The following SNTG2 variants were observed in gnomAD, a reference collection of about 807,000 sequenced individuals.
SNTG2 encodes the protein gamma-2-syntrophin.
In SNTG2, 74 loss-of-function variants were observed where a neutral mutation model predicts 70.9. The observed-to-expected ratio is 1.04, with a 90% CI of 0.86 to 1.27. The LOEUF is 1.27. Among genes scored for constraint, SNTG2 ranks in the 50% most tolerant of loss-of-function variants. The pLI is 0.00. For synonymous variants in SNTG2, 278 were observed against 273.8 expected (o/e 1.02, Z -0.15); for missense variants, 717 against 690.7 (o/e 1.04, Z -0.43).
intron 16 of SNTG2, among the ~76,000 whole-genome samples, chr2:1,317,152 G>T (rs1681323062): frequency 1.1e-5 from 1 of 93,788 alleles, no homozygotes; most frequent in East Asian, 2.8e-4. Context: ...GCCAGCATTG[G>T]AGAAGGCTGG....
chr2:1,316,420 A>G, intron 16 of SNTG2, 45 bp downstream of exon 16: 3 of 1,019,992 alleles, frequency 2.9e-6, no homozygotes, highest in Admixed American at 2.1e-5. Context: ...ACCCACACAT[A>G]AAGTACAGCT....
At chr2:1,149,652 G>T (rs78247329) in intron 6 of SNTG2, among the ~76,000 whole-genome samples, 1 of 149,454 alleles carries the variant, frequency 6.7e-6, no homozygotes, top group African/African-American at 2.5e-5. Flanking sequence ...ACCCTCAACA[G>T]ATTGATGAAG....
chr2:1,309,599 A>G (rs1680880722), intron 15 of SNTG2, among the ~76,000 whole-genome samples: 2 of 148,146 alleles, frequency 1.4e-5, no homozygotes, highest in Admixed American at 1.3e-4. Flanking sequence ...GGCCCCACAC[A>G]GGGCATCTCC....
chr2:1,082,664 C>T (rs995279704), intron 1 of SNTG2, among the ~76,000 whole-genome samples: 1 of 152,232 alleles, frequency 6.6e-6, no homozygotes, highest in Non-Finnish European at 1.5e-5. Flanking sequence ...TGCTCCTGCA[C>T]TCCGGAGGCT....
At chr2:1,221,427 GTC>G (rs1418466436) in intron 9 of SNTG2, among the ~76,000 whole-genome samples, 1 of 141,250 alleles carries the variant, frequency 7.1e-6, no homozygotes, top group Non-Finnish European at 1.5e-5. Context: ...TTTTGTCTCT[GTC>G]TCTCTCTGTC....
intron 16 of SNTG2, among the ~76,000 whole-genome samples, chr2:1,321,916 C>T (rs1439689508): frequency 7.6e-5 from 10 of 132,352 alleles, no homozygotes; most frequent in Non-Finnish European, 1.7e-5. Flanking sequence ...TTCCCTCCTT[C>T]CTTCCTTCCT....
At position 1,103,073 on chromosome 2, in the gene SNTG2, C is replaced by T. The variant is rs151257547; in HGVS notation, c.325+4663C>T. Among the ~76,000 whole-genome samples the T allele has an allele frequency of 2.6e-3, 400 of 152,258 alleles. 1 individual carries two copies. The highest frequency in any genetic ancestry group is 9.2e-3 in the African/African-American group (383 of 41,540). ...TGTGGAGACCTTCAGACCTCACACT[C>T]CTCACAGGGGACTCAGGATTCACAG... On this transcript the variant is annotated intron_variant, in intron 4 of 16. Coordinates refer to ENST00000308624, the MANE Select transcript of SNTG2 (RefSeq NM_018968.4).
At chr2:1,197,515 A>ATGTATGTG (rs1672992073) in intron 8 of SNTG2, among the ~76,000 whole-genome samples, 2 of 128,322 alleles carry the variant, frequency 1.6e-5, no homozygotes, top group Non-Finnish European at 3.2e-5. Flanking sequence ...ATGTATATAT[A>ATGTATGTG]TGTGTGTGTG....
chr2:1,203,673 A>AAATATATATAT (rs1451954919), intron 8 of SNTG2, among the ~76,000 whole-genome samples: 17 of 115,538 alleles, frequency 1.5e-4, no homozygotes, highest in African/African-American at 5.4e-4. Flanking sequence ...CAAAAAAAAA[A>AAATATATATAT]ATATATATAT....
chr2:1,163,870 A>C (rs1275265646), intron 6 of SNTG2: 1 of 152,306 alleles, frequency 6.6e-6, no homozygotes, highest in Non-Finnish European at 1.5e-5. Context: ...GCCATGCCAG[A>C]TAGAAATGTC....
At chr2:1,167,991 C>T (rs1323714071) in intron 7 of SNTG2, among the ~76,000 whole-genome samples, 5 of 130,486 alleles carry the variant, frequency 3.8e-5, no homozygotes, top group African/African-American at 8.8e-5. Flanking sequence ...GCCTACAGGC[C>T]GCCCACAGAC....
intron 15 of SNTG2, among the ~76,000 whole-genome samples, chr2:1,309,811 C>T (rs1036645813): frequency 3.3e-5 from 5 of 152,242 alleles, no homozygotes; most frequent in African/African-American, 1.2e-4. Flanking sequence ...CATCCAGTAT[C>T]CAGGTCCATA....
At chr2:1,358,398 C>T (rs1201908015) in intron 16 of SNTG2, among the ~76,000 whole-genome samples, 2 of 149,330 alleles carry the variant, frequency 1.3e-5, no homozygotes, top group Non-Finnish European at 3.0e-5. Context: ...TTTGTACTAA[C>T]TTTGACCTTA....
At chr2:1,066,216 G>T (rs1016805736) in intron 1 of SNTG2, among the ~76,000 whole-genome samples, 1 of 152,134 alleles carries the variant, frequency 6.6e-6, no homozygotes, top group Non-Finnish European at 1.5e-5. Context: ...CATTCTGCTG[G>T]GTGTGGGAAT....
At chr2:1,204,817 GCA>G (rs1165988083) in intron 8 of SNTG2, among the ~76,000 whole-genome samples, 2 of 151,994 alleles carry the variant, frequency 1.3e-5, no homozygotes, top group African/African-American at 4.8e-5. Context: ...TTGGTACTAC[GCA>G]CAGTTTTCAG....
chr2:1,313,394 CA>C (rs35647700), intron 15 of SNTG2, among the ~76,000 whole-genome samples: 3 of 144,652 alleles, frequency 2.1e-5, no homozygotes, highest in Admixed American at 1.3e-4. Flanking sequence ...GGATGTGGAG[CA>C]AAAAAAATGG....
At chr2:1,024,032 A>G (rs1660341501) in intron 1 of SNTG2, among the ~76,000 whole-genome samples, 1 of 152,150 alleles carries the variant, frequency 6.6e-6, no homozygotes, top group African/African-American at 2.4e-5. Flanking sequence ...AGATGGTGAT[A>G]TTTATTTGTG....
intron 7 of SNTG2, among the ~76,000 whole-genome samples, chr2:1,168,480 G>A (rs1469376642): frequency 1.3e-5 from 2 of 152,174 alleles, no homozygotes; most frequent in Non-Finnish European, 2.9e-5. Flanking sequence ...GTGGGGCACC[G>A]AAGAAGCGAG....
chr2:1,184,307 A>G (rs1672113781), intron 8 of SNTG2, among the ~76,000 whole-genome samples: 1 of 152,200 alleles, frequency 6.6e-6, no homozygotes, highest in Non-Finnish European at 1.5e-5. Flanking sequence ...ACATCAACAC[A>G]TTTTATCAAA....
Sources: gnomAD v4.1 joint callset for allele counts (sites outside exome capture counted in the v4.1 genomes callset) on GRCh38, gnomAD v4.1.1 for gene constraint, MANE v1.5 for transcripts, NCBI Gene and HGNC (gene_info 2026-07-23, HGNC 2026-07-21) for gene names.